Variants in MUC3A observed in about 807,000 individuals in gnomAD.
The protein encoded by MUC3A is mucin 3A, cell surface associated, also known as mucin-3A.
A neutral mutation model predicts 109.0 loss-of-function variants in MUC3A; 109 were observed. The observed-to-expected ratio is 1.00, with a 90% CI of 0.86 to 1.17. MUC3A has a LOEUF of 1.17. Among genes scored for constraint, MUC3A ranks in the 50% most tolerant of loss-of-function variants. MUC3A has a pLI of 0.00. For missense variants in MUC3A, 3,537 were observed against 2,469.4 expected, an observed-to-expected ratio of 1.43 and a Z score of -9.16; for synonymous variants, 1,398 against 981.4, an observed-to-expected ratio of 1.42 and a Z score of -7.93.
In MUC3A at chr7:100,956,172, C is replaced by T; in HGVS notation, c.4393C>T (p.Pro1465Ser). Residue 1465 changes from proline to serine, a missense_variant, in exon 2 of 12, where the codon CCT becomes TCT. Transcript: ENST00000379458. ...TACACTTACATCTGAGACCGCCTAC[C>T]CTAGTTCTCCCACAAGCACTGTCAC... Reference protein sequence around the residue: ...RSTLTSETAYPSSPTSTVTES... With the variant: ...RSTLTSETAYSSSPTSTVTES... 2.2e-6 allele frequency: 1 copy of T among 446,582 alleles called. No individual in the cohort carries two copies. Among genetic ancestry groups the T allele is most frequent in the Non-Finnish European group, 3.9e-6 (1 of 255,050 alleles). The allele number at this position is 446,582 out of a possible 1,614,324, so 27.7% of individuals were successfully genotyped here. A position where few individuals can be genotyped will look rare whatever the true frequency, so the allele number is the denominator to read the frequency against.
Position 100,957,477 on chromosome 7 carries a change from A to C in MUC3A, c.5698A>C (p.Thr1900Pro). ...TNLVTTTTKI[T>P]SHSTPSFTSS... ...CTTGGTAACCACGACCACCAAGATCACCTCACACAGTACTCCTAGCTTCAC... is the reference window on the plus strand; with the variant it reads ...CTTGGTAACCACGACCACCAAGATCCCCTCACACAGTACTCCTAGCTTCAC... Residue 1900 changes from threonine to proline, a missense_variant, in exon 2 of 12, where the codon ACC (threonine) becomes CCC (proline). By Grantham distance (38) the Thr-to-Pro change is conservative (BLOSUM62 -1). Transcript: ENST00000379458. The C allele has an allele frequency of 2.5e-6, 3 of 1,202,642 alleles. No individual in the cohort carries two copies. Among genetic ancestry groups the C allele is most frequent in the Non-Finnish European group, 3.2e-6 (3 of 948,242 alleles). 74.5% of individuals were successfully genotyped at this position (1,202,642 alleles called of 1,614,324 possible).
intron 9 of MUC3A, 21 bp from the exon 10 acceptor site, chr7:100,966,630 AC>A (rs1166744771): frequency 1.9e-6 from 3 of 1,598,480 alleles, no homozygotes; most frequent in Non-Finnish European, 2.5e-6. Flanking sequence ...GCTCTGTCTG[AC>A]CGCGCGGCGG....
At position 100,960,653 on chromosome 7, in the gene MUC3A, C is replaced by T. The variant is rs775990730; in HGVS notation, c.8866+8C>T. 1.6e-4 allele frequency: 252 copies of T among 1,595,972 alleles called. No individual in the cohort carries two copies. Among genetic ancestry groups the T allele is most frequent in the Non-Finnish European group, 2.0e-4 (238 of 1,178,288 alleles). The stretch of plus-strand genomic sequence containing the variant: ...CGTTGACCACCACTGCAGGTTGGAC[C>T]TTCTGCCTCTCTGTTCCCCTCCTTC... On this transcript the variant is annotated splice_region_variant and intron_variant, in intron 2 of 11. Coordinates refer to ENST00000379458, the MANE Select transcript of MUC3A (RefSeq NM_005960.2).
rs1024801659 is a variant in MUC3A, at chr7:100,957,883, C to G, written c.6104C>G (p.Thr2035Ser). 58 of 576,802 alleles carry G rather than the reference C, an allele frequency of 1.0e-4. No homozygotes were observed. Among genetic ancestry groups the G allele is most frequent in the Non-Finnish European group, 1.7e-4 (58 of 340,664 alleles). The allele number at this position is 576,802 out of a possible 1,614,324, so 35.7% of individuals were successfully genotyped here. Residue 2035 changes from threonine (T) to serine (S), a missense_variant, in exon 2 of 12, where the codon ACC becomes AGC. Thr to Ser is a moderately conservative substitution (Grantham distance 58). Coordinates refer to ENST00000379458, the MANE Select transcript of MUC3A (RefSeq NM_005960.2). ...SLTSSITTTETTSHSTPSFTS... is the reference protein window; with the variant it reads ...SLTSSITTTESTSHSTPSFTS... Reference sequence around the variant, plus strand: ...ACTTCTTCGATCACAACCACCGAGACCACATCCCATAGTACTCCCAGCTTC... The same window carrying G: ...ACTTCTTCGATCACAACCACCGAGAGCACATCCCATAGTACTCCCAGCTTC...
Position 100,954,872 on chromosome 7 carries a change from A to C in MUC3A, c.3093A>C (p.Thr1031=). The part of the protein sequence containing the change: ...TSMRTTTYWP[T]ATNTLSPLTS... ...TGAGAACTACAACCTATTGGCCCACAGCCACTAATACATTATCACCACTCA... is the reference window on the plus strand; with the variant it reads ...TGAGAACTACAACCTATTGGCCCACCGCCACTAATACATTATCACCACTCA... Residue 1031 remains threonine, a synonymous_variant, in exon 2 of 12, where the codon ACA becomes ACC. Transcript: ENST00000379458. 2 of 472,094 alleles carry C rather than the reference A, an allele frequency of 4.2e-6. No individual in the cohort carries two copies. Among genetic ancestry groups the C allele is most frequent in the Non-Finnish European group, 3.7e-6 (1 of 269,748 alleles). The allele number at this position is 472,094 out of a possible 1,614,324, so 29.2% of individuals were successfully genotyped here.
intron 3 of MUC3A, 92 bp from the exon 4 acceptor site, chr7:100,963,059 G>T (rs1204922162): frequency 3.5e-6 from 5 of 1,416,328 alleles, no homozygotes; most frequent in Non-Finnish European, 3.9e-6. Context: ...GAGGGGAGCA[G>T]CAGGAGGAGC....
Position 100,952,486 on chromosome 7 carries a change from T to C in MUC3A, c.707T>C (p.Ile236Thr), listed in dbSNP as rs2116158816. The part of the protein sequence containing the change: ...TERTPLPTGS[I>T]HTTTSPTPVF... ...AGGACTCCCCTGCCCACTGGAAGCA[T>C]CCATACAACCACGTCCCCAACCCCA... Residue 236 changes from isoleucine to threonine, a missense_variant, in exon 2 of 12, where the codon ATC (isoleucine) becomes ACC (threonine). Physicochemically the swap from Ile to Thr is moderately conservative, Grantham distance 89. Coordinates refer to ENST00000379458, the MANE Select transcript of MUC3A (RefSeq NM_005960.2). 1.9e-6 allele frequency: 3 copies of C among 1,598,500 alleles called. No individual in the cohort carries two copies. Among genetic ancestry groups the C allele is most frequent in the Non-Finnish European group, 2.5e-6 (3 of 1,179,752 alleles).
Position 100,966,924 on chromosome 7 carries a change from C to G in MUC3A, c.9903C>G (p.Ala3301=). Reference sequence around the variant, plus strand: ...ACAAGGATACAAATTTCTATGTGGCCTTGGAGAACGTGGACACCACTATGA... The same window carrying G: ...ACAAGGATACAAATTTCTATGTGGCGTTGGAGAACGTGGACACCACTATGA... The part of the protein sequence containing the change: ...GTDKDTNFYV[A]LENVDTTMKV... The change falls in exon 11 of 12, where the codon GCC becomes GCG. Residue 3301 remains alanine (A), a synonymous_variant. Coordinates refer to ENST00000379458, the MANE Select transcript of MUC3A (RefSeq NM_005960.2). The G allele has an allele frequency of 1.9e-6, 3 of 1,598,550 alleles. No individual in the cohort carries two copies. Among genetic ancestry groups the G allele is most frequent in the Non-Finnish European group, 2.5e-6 (3 of 1,179,828 alleles).
chr7:100,967,089 C>T (rs201908199), intron 11 of MUC3A, 32 bp from the exon 12 acceptor site: 2,502 of 1,596,744 alleles, frequency 1.6e-3, no homozygotes, highest in Non-Finnish European at 2.0e-3. Context: ...CCAGTGGCTC[C>T]GCGTTCCCGT....
At chr7:100,965,455 A>G in intron 7 of MUC3A, 108 bp downstream of exon 7, 1 of 1,520,484 alleles carries the variant, frequency 6.6e-7, no homozygotes, top group Non-Finnish European at 8.8e-7. Flanking sequence ...TGGGGGAGGC[A>G]AGTCATGTGG....
Position 100,966,743 on chromosome 7 carries a change from G to A in MUC3A, c.9877G>A (p.Asp3293Asn). 2.5e-6 allele frequency: 4 copies of A among 1,598,546 alleles called. No individual in the cohort carries two copies. Among genetic ancestry groups the A allele is most frequent in the Non-Finnish European group, 3.4e-6 (4 of 1,179,824 alleles). ...SNWGFEDDGT[D>N]KDTNFYVALE... is the part of the protein sequence containing the mutation. ...CTGGGGTTTCGAGGACGACGGAACA[G>A]GTGAGTCCTGCCTCCTGGGGAAGCA... The change falls in exon 10 of 12, where the codon GAC becomes AAC. Residue 3293 changes from aspartate to asparagine, a missense_variant and splice_region_variant. Asp to Asn is a conservative substitution (Grantham distance 23). Coordinates refer to ENST00000379458, the MANE Select transcript of MUC3A (RefSeq NM_005960.2).
intron 6 of MUC3A, 89 bp downstream of exon 6, chr7:100,964,932 C>A: frequency 6.7e-7 from 1 of 1,487,806 alleles, no homozygotes; most frequent in Non-Finnish European, 8.9e-7. Flanking sequence ...GCTCAGGTGC[C>A]AGCCCTGTGG....
Position 100,966,407 on chromosome 7 carries a change from C to T in MUC3A, c.9633C>T (p.His3211=). The change falls in exon 9 of 12, where the codon CAC becomes CAT. Residue 3211 remains histidine (H), a synonymous_variant. Coordinates refer to ENST00000379458, the MANE Select transcript of MUC3A (RefSeq NM_005960.2). ...GCAGCTGCTACTCCACCGACACGCACTGGTTCTCTGGCCCGCGCTGCGAGG... is the reference window on the plus strand; with the variant it reads ...GCAGCTGCTACTCCACCGACACGCATTGGTTCTCTGGCCCGCGCTGCGAGG... ...PTCRCYSTDT[H]WFSGPRCEVA... 5.9e-6 allele frequency: 8 copies of T among 1,350,018 alleles called. No homozygotes were observed. The highest frequency in any genetic ancestry group is 7.6e-6 in the Non-Finnish European group (8 of 1,057,564). The allele number at this position is 1,350,018 out of a possible 1,614,324, so 83.6% of individuals were successfully genotyped here. A position where few individuals can be genotyped will look rare whatever the true frequency, so the allele number is the denominator to read the frequency against.
At position 100,957,496 on chromosome 7, in the gene MUC3A, G is replaced by A. The variant is rs1305527552; in HGVS notation, c.5717G>A (p.Ser1906Asn). 1.5e-4 allele frequency: 230 copies of A among 1,520,878 alleles called. No individual in the cohort carries two copies. The highest frequency in any genetic ancestry group is 3.9e-5 in the Non-Finnish European group (44 of 1,136,840). 94.2% of individuals were successfully genotyped at this position (1,520,878 alleles called of 1,614,324 possible). A position where few individuals can be genotyped will look rare whatever the true frequency, so the allele number is the denominator to read the frequency against. Residue 1906 changes from serine to asparagine, a missense_variant, in exon 2 of 12, where the codon AGC becomes AAC. Physicochemically the swap from Ser to Asn is conservative, Grantham distance 46. Coordinates refer to ENST00000379458, the MANE Select transcript of MUC3A (RefSeq NM_005960.2). ...TTKITSHSTP[S>N]FTSSIATTET... is the part of the protein sequence containing the mutation. ...AAGATCACCTCACACAGTACTCCTA[G>A]CTTCACTTCTTCAATCGCAACCACC...
At position 100,955,831 on chromosome 7, in the gene MUC3A, C is replaced by T; in HGVS notation, c.4052C>T (p.Thr1351Ile). The change falls in exon 2 of 12, where the codon ACC (threonine) becomes ATC (isoleucine). Residue 1351 changes from threonine to isoleucine, a missense_variant. Transcript: ENST00000379458. The part of the protein sequence containing the change: ...TTVATTGTGQ[T>I]TFPSSTATFL... The stretch of plus-strand genomic sequence containing the variant: ...GTAGCGACTACAGGCACAGGTCAGA[C>T]CACCTTCCCCAGCTCTACAGCCACA... The T allele has an allele frequency of 3.5e-6, 1 of 289,782 alleles. No individual in the cohort carries two copies. Among genetic ancestry groups the T allele is most frequent in the East Asian group, 4.2e-5 (1 of 23,686 alleles). 18.0% of individuals were successfully genotyped at this position (289,782 alleles called of 1,614,324 possible). A position where few individuals can be genotyped will look rare whatever the true frequency, so the allele number is the denominator to read the frequency against.
At chr7:100,964,658 C>CTT in intron 5 of MUC3A, 37 bp from the exon 6 acceptor site, 1 of 1,529,678 alleles carries the variant, frequency 6.5e-7, no homozygotes, top group Non-Finnish European at 8.8e-7. Context: ...CCATATGTTC[C>CTT]TGGCTGGGGC....
chr7:100,962,942 G>A (rs530161574), intron 3 of MUC3A, among the ~76,000 whole-genome samples: 127 of 152,020 alleles, frequency 8.4e-4, no homozygotes, highest in South Asian at 2.9e-3. Context: ...TACAACCTCC[G>A]CCTCCTGAGT....
intron 11 of MUC3A, 30 bp downstream of exon 11, chr7:100,966,981 A>G (rs1306083588): frequency 1.3e-6 from 2 of 1,598,550 alleles, no homozygotes; most frequent in South Asian, 2.2e-5. Context: ...GACCCCAAGG[A>G]ACTCTCCCAG....
intron 4 of MUC3A, 37 bp downstream of exon 4, chr7:100,963,303 T>TTTTTTTTTTTTTTTTG (rs1554459579): frequency 2.2e-6 from 3 of 1,390,358 alleles, no homozygotes; most frequent in African/African-American, 2.9e-5. Flanking sequence ...TTTTTTTTTT[T>TTTTTTTTTTTTTTTTG]GAGGTGTAGT....
Sources: gnomAD v4.1 joint callset for allele counts (sites outside exome capture counted in the v4.1 genomes callset) on GRCh38, gnomAD v4.1.1 for gene constraint, MANE v1.5 for transcripts, NCBI Gene and HGNC (gene_info 2026-07-23, HGNC 2026-07-21) for gene names.